The following AGBL4 variants were observed in gnomAD, a reference collection of about 807,000 sequenced individuals.
AGBL4 encodes the protein cytosolic carboxypeptidase 6.
A neutral mutation model predicts 66.4 loss-of-function variants in AGBL4; 58 were observed. The observed-to-expected ratio is 0.87, with a 90% CI of 0.71 to 1.09. The LOEUF (loss-of-function observed/expected upper bound fraction) is 1.09, where lower values mean the gene tolerates loss of function less well. Ranked by LOEUF, AGBL4 falls within the 50% of genes least tolerant of loss-of-function variation. The probability of loss-of-function intolerance (pLI) is 0.00; values close to 1 mark genes in which losing one functional copy is unlikely to be tolerated. For missense variants in AGBL4, 579 were observed against 631.0 expected (o/e 0.92, Z 0.88); for synonymous variants, 234 against 222.9 (o/e 1.05, Z -0.44).
intron 3 of AGBL4, among the ~76,000 whole-genome samples, chr1:49,345,302 G>T (rs1312583857): frequency 6.6e-6 from 1 of 152,248 alleles, no homozygotes; most frequent in African/African-American, 2.4e-5. Context: ...GTGCAACAGA[G>T]ATAATAAAAT....
chr1:49,455,362 C>T (rs182809452), intron 3 of AGBL4, among the ~76,000 whole-genome samples: 4 of 151,748 alleles, frequency 2.6e-5, no homozygotes, highest in East Asian at 3.9e-4. Flanking sequence ...ATTTGTCTAA[C>T]GGTTAAAATG....
chr1:49,256,383 T>A (rs1652503929), intron 3 of AGBL4, among the ~76,000 whole-genome samples: 1 of 152,142 alleles, frequency 6.6e-6, no homozygotes, highest in East Asian at 1.9e-4. Flanking sequence ...CAATTGTATA[T>A]CTATATACTA....
chr1:49,104,054 A>G (rs886085003), intron 4 of AGBL4, among the ~76,000 whole-genome samples: 3 of 152,144 alleles, frequency 2.0e-5, no homozygotes, highest in Non-Finnish European at 2.9e-5. Flanking sequence ...GGAACATGCT[A>G]TGCACTAGCA....
intron 3 of AGBL4, among the ~76,000 whole-genome samples, chr1:49,620,089 A>C (rs1165797796): frequency 2.0e-5 from 3 of 152,216 alleles, no homozygotes; most frequent in Non-Finnish European, 2.9e-5. Flanking sequence ...AAACACCAAA[A>C]GCAATGGCAA....
chr1:49,580,168 G>A (rs537471133), intron 3 of AGBL4, among the ~76,000 whole-genome samples: 9 of 151,952 alleles, frequency 5.9e-5, no homozygotes, highest in African/African-American at 9.7e-5. Flanking sequence ...ATGGAATATC[G>A]TTTTCCATGT....
intron 3 of AGBL4, among the ~76,000 whole-genome samples, chr1:49,678,897 C>T (rs949926685): frequency 1.3e-5 from 2 of 151,876 alleles, no homozygotes; most frequent in Non-Finnish European, 2.9e-5. Context: ...ATGGTATATC[C>T]TCTATATATG....
intron 1 of AGBL4, chr1:49,994,482 G>A (rs983596653): frequency 2.6e-5 from 4 of 152,254 alleles, no homozygotes; most frequent in African/African-American, 9.7e-5. Flanking sequence ...GGGAGGCTGA[G>A]GCAGGAGGAT....
chr1:48,838,510 A>G (rs971674163), intron 6 of AGBL4, among the ~76,000 whole-genome samples: 1 of 152,154 alleles, frequency 6.6e-6, no homozygotes, highest in African/African-American at 2.4e-5. Context: ...CTAGACCCCT[A>G]TCTCTCACCA....
rs369977342 is a variant in AGBL4 at position 49,521,911 on chromosome 1, A to T, written c.282+175402T>A. 1.1e-3 allele frequency among the ~76,000 whole-genome samples: 39 copies of T among 36,728 alleles called. 1 individual carries two copies. The highest frequency in any genetic ancestry group is 2.9e-3 in the Non-Finnish European group (28 of 9,712). 24.1% of individuals were successfully genotyped at this position (36,728 alleles called of 152,430 possible). On this transcript the variant is annotated intron_variant, in intron 3 of 13. Transcript: ENST00000371839. ...AACAATAGACATTGGAAACTATTAG[A>T]GGGGGGAATGAGTGCAGGGGCAAGG...
chr1:49,035,230 G>A (rs1557582458), intron 5 of AGBL4, among the ~76,000 whole-genome samples: 3 of 152,076 alleles, frequency 2.0e-5, no homozygotes, highest in African/African-American at 4.8e-5. Context: ...ACTGGGTGAA[G>A]GTGTTACCAG....
downstream of AGBL4, among the ~76,000 whole-genome samples, chr1:48,531,940 C>T (rs1052007758): frequency 5.1e-4 from 78 of 152,080 alleles, no homozygotes; most frequent in Admixed American, 3.8e-3. Context: ...CGTGCCACCA[C>T]GCCTGGCTAA....
chr1:48,922,929 A>G (rs1328535746), intron 5 of AGBL4, among the ~76,000 whole-genome samples: 1 of 151,348 alleles, frequency 6.6e-6, no homozygotes, highest in Non-Finnish European at 1.5e-5. Context: ...AACTATATAT[A>G]TATATACATA....
intron 3 of AGBL4, among the ~76,000 whole-genome samples, chr1:49,276,299 G>A (rs1021821077): frequency 2.8e-4 from 43 of 151,896 alleles, no homozygotes; most frequent in Admixed American, 1.2e-3. Context: ...GTTTTCTCCC[G>A]CTCCTTTGCC....
intron 6 of AGBL4, among the ~76,000 whole-genome samples, chr1:48,769,719 T>G (rs138830507): frequency 1.2e-3 from 177 of 152,290 alleles, no homozygotes; most frequent in African/African-American, 4.2e-3. Flanking sequence ...GTTATCTATA[T>G]TTAATGAGAA....
At chr1:48,838,484 A>G (rs1230783566) in intron 6 of AGBL4, among the ~76,000 whole-genome samples, 1 of 152,136 alleles carries the variant, frequency 6.6e-6, no homozygotes, top group African/African-American at 2.4e-5. Context: ...GGGTATCCAT[A>G]TGCAGGAGAA....
chr1:49,954,975 A>C (rs1656470986), intron 1 of AGBL4, among the ~76,000 whole-genome samples: 1 of 151,878 alleles, frequency 6.6e-6, no homozygotes, highest in South Asian at 2.1e-4. Flanking sequence ...TGTTACATAA[A>C]ATGAGACCCA....
chr1:48,946,462 T>C (rs1275867731), intron 5 of AGBL4, among the ~76,000 whole-genome samples: 1 of 152,194 alleles, frequency 6.6e-6, no homozygotes, highest in Non-Finnish European at 1.5e-5. Flanking sequence ...GCACTTGTTC[T>C]GAATTTGGCT....
chr1:48,765,390 G>C (rs1159600580), intron 6 of AGBL4, among the ~76,000 whole-genome samples: 1 of 152,152 alleles, frequency 6.6e-6, no homozygotes, highest in Admixed American at 6.5e-5. Flanking sequence ...TCATTAGGAT[G>C]GCTCAAATCA....
At chr1:49,201,271 G>A (rs940201552) in intron 4 of AGBL4, among the ~76,000 whole-genome samples, 1 of 152,066 alleles carries the variant, frequency 6.6e-6, no homozygotes, top group Admixed American at 6.6e-5. Context: ...TTAACTTTCT[G>A]TTCACTCCAT....
Sources: allele counts gnomAD v4.1 joint callset (sites outside exome capture counted in the v4.1 genomes callset), GRCh38; gene constraint gnomAD v4.1.1; transcripts MANE v1.5; gene names NCBI Gene and HGNC (gene_info 2026-07-23, HGNC 2026-07-21).